SOS1: variants seen among roughly 807,000 people sequenced by gnomAD.
The protein encoded by SOS1 is son of sevenless homolog 1.
Under a neutral mutation model 157.6 loss-of-function variants are expected in SOS1, and 25 were observed. That is an observed-to-expected ratio of 0.16 (90% confidence interval 0.12 to 0.22). The LOEUF (loss-of-function observed/expected upper bound fraction) is 0.22. SOS1 is among the 10% of genes least tolerant of loss of function. The pLI, the probability that SOS1 is intolerant of heterozygous loss-of-function variation, is 1.00. For missense variants in SOS1, 1,237 were observed against 1,599.1 expected (o/e 0.77, Z 3.86); for synonymous variants, 528 against 534.0 (o/e 0.99, Z 0.16).
chr2:39,047,110 G>A (rs182647350), intron 6 of SOS1, among the ~76,000 whole-genome samples: 79 of 152,122 alleles, frequency 5.2e-4, no homozygotes, highest in African/African-American at 1.9e-3. Flanking sequence ...AAATCTTCAT[G>A]TTTCCCAGTC....
At chr2:39,102,705 G>A (rs1046625894) in intron 1 of SOS1, among the ~76,000 whole-genome samples, 1 of 152,118 alleles carries the variant, frequency 6.6e-6, no homozygotes, top group Non-Finnish European at 1.5e-5. Context: ...AGCACTTTGG[G>A]AGGCTGAGGC....
At chr2:39,009,394 G>T (rs1669389058) in intron 15 of SOS1, among the ~76,000 whole-genome samples, 1 of 152,176 alleles carries the variant, frequency 6.6e-6, no homozygotes, top group African/African-American at 2.4e-5. Flanking sequence ...AAGTTCTTCA[G>T]GCTGAAAAGC....
At chr2:39,100,479 T>C (rs1174360753) in intron 1 of SOS1, among the ~76,000 whole-genome samples, 1 of 152,160 alleles carries the variant, frequency 6.6e-6, no homozygotes, top group East Asian at 1.9e-4. Context: ...CATTCAGCCT[T>C]AAAAAATGAG....
At chr2:39,050,489 G>T (rs1670969496) in intron 6 of SOS1, among the ~76,000 whole-genome samples, 1 of 152,114 alleles carries the variant, frequency 6.6e-6, no homozygotes, top group Admixed American at 6.6e-5. Flanking sequence ...AAAATCCTGA[G>T]ATTACAGATT....
At chr2:39,015,809 T>C (rs1403087022) in intron 10 of SOS1, among the ~76,000 whole-genome samples, 1 of 148,832 alleles carries the variant, frequency 6.7e-6, no homozygotes, top group East Asian at 1.9e-4. Flanking sequence ...AATCTTTTTT[T>C]TTTTTTTTTT....
At chr2:39,111,522 A>G (rs1284988087) in intron 1 of SOS1, among the ~76,000 whole-genome samples, 1 of 152,166 alleles carries the variant, frequency 6.6e-6, no homozygotes, top group East Asian at 1.9e-4. Flanking sequence ...GGTGAGAAGT[A>G]GTTGCCACTT....
At chr2:38,996,277 C>G (rs1445343110) in intron 19 of SOS1, among the ~76,000 whole-genome samples, 1 of 152,108 alleles carries the variant, frequency 6.6e-6, no homozygotes, top group Non-Finnish European at 1.5e-5. Context: ...TCATTAGAGA[C>G]AGGGTTTTCA....
chr2:39,099,817 C>G (rs1485467193), intron 1 of SOS1, among the ~76,000 whole-genome samples: 1 of 152,168 alleles, frequency 6.6e-6, no homozygotes, highest in Non-Finnish European at 1.5e-5. Context: ...CGACTCACTG[C>G]AACCTCCACC....
chr2:39,089,356 T>G (rs904892509), intron 1 of SOS1, among the ~76,000 whole-genome samples: 5 of 151,400 alleles, frequency 3.3e-5, no homozygotes, highest in Admixed American at 2.6e-4. Context: ...CATGGTGAAA[T>G]CCCATCTCTA....
chr2:39,007,520 G>T, intron 15 of SOS1: 1 of 260,618 alleles, frequency 3.8e-6, no homozygotes, highest in Non-Finnish European at 7.4e-6. Flanking sequence ...TGTGATGTGG[G>T]TGTATTCTAG....
intron 17 of SOS1, among the ~76,000 whole-genome samples, chr2:39,003,980 A>C (rs1572813460): frequency 6.6e-6 from 1 of 152,210 alleles, no homozygotes; most frequent in African/African-American, 2.4e-5. Context: ...GACAATTAAA[A>C]AAAAATTGTC....
At chr2:39,100,089 C>T (rs996561222) in intron 1 of SOS1, among the ~76,000 whole-genome samples, 7 of 152,150 alleles carry the variant, frequency 4.6e-5, no homozygotes, top group Non-Finnish European at 8.8e-5. Context: ...CATCATTAAT[C>T]ATCAGAGAAA....
chr2:39,071,226 C>T (rs1671781465), intron 1 of SOS1, among the ~76,000 whole-genome samples: 1 of 152,132 alleles, frequency 6.6e-6, no homozygotes, highest in African/African-American at 2.4e-5. Flanking sequence ...CTGTTGCTAA[C>T]TAGTAATACT....
rs562453843 is a variant in SOS1 at position 39,046,482 on chromosome 2, T to C, written c.864+4662A>G. Among the ~76,000 whole-genome samples, 4 of 151,528 alleles carry C rather than the reference T, an allele frequency of 2.6e-5. No individual in the cohort carries two copies. The South Asian group carries it at 6.2e-4, about 24-fold the overall frequency. ...TCTAATTTTTTATTTATTTATTTATTTTGAGACAGTGTCTTTTTTTTTTTT... is the reference window on the plus strand; with the variant it reads ...TCTAATTTTTTATTTATTTATTTATCTTGAGACAGTGTCTTTTTTTTTTTT... On this transcript the variant is annotated intron_variant, in intron 6 of 22. Transcript: ENST00000402219.
rs745826780 is a variant in SOS1 at position 39,006,996 on chromosome 2, G to T, written c.2673+35C>A. 14 of 1,437,142 alleles carry T rather than the reference G, an allele frequency of 9.7e-6. No individual in the cohort carries two copies. The South Asian group carries it at 1.6e-4, about 17-fold the overall frequency. The allele number at this position is 1,437,142 out of a possible 1,614,324, so 89.0% of individuals were successfully genotyped here. A position where few individuals can be genotyped will look rare whatever the true frequency, so the allele number is the denominator to read the frequency against. On this transcript the variant is annotated intron_variant, in intron 16 of 22. Coordinates refer to ENST00000402219, the MANE Select transcript of SOS1 (RefSeq NM_005633.4). ...AAATCTAATTTTTCTAATAGGGAAT[G>T]AAAGTTCATTTTAAAAACACATGTA...
chr2:39,039,912 C>A (rs1670498229), intron 6 of SOS1, among the ~76,000 whole-genome samples: 1 of 152,222 alleles, frequency 6.6e-6, no homozygotes, highest in Non-Finnish European at 1.5e-5. Flanking sequence ...TAAATGGAAT[C>A]ATACAATATG....
chr2:38,995,432 AGAAAG>A (rs1668863648), intron 19 of SOS1, 45 bp from the exon 20 acceptor site: 1 of 1,533,164 alleles, frequency 6.5e-7, no homozygotes, highest in Non-Finnish European at 9.0e-7. Flanking sequence ...ACACTGTAGT[AGAAAG>A]GAAAGTTTTT....
intron 1 of SOS1, among the ~76,000 whole-genome samples, chr2:39,086,889 T>C (rs1019009680): frequency 3.3e-5 from 5 of 152,156 alleles, no homozygotes; most frequent in Non-Finnish European, 7.4e-5. Context: ...CTTGGCTCAC[T>C]GCAACCTCTG....
At chr2:39,100,559 C>T (rs1486150253) in intron 1 of SOS1, among the ~76,000 whole-genome samples, 1 of 152,114 alleles carries the variant, frequency 6.6e-6, no homozygotes, top group Non-Finnish European at 1.5e-5. Flanking sequence ...AAGCCAGACA[C>T]TGAAAGAAAA....
Sources: allele counts gnomAD v4.1 joint callset (sites outside exome capture counted in the v4.1 genomes callset), GRCh38; gene constraint gnomAD v4.1.1; transcripts MANE v1.5; gene names NCBI Gene and HGNC (gene_info 2026-07-23, HGNC 2026-07-21).